Variants in POLA2 observed in about 807,000 individuals in gnomAD.
The protein encoded by POLA2 is DNA polymerase alpha 2, accessory subunit.
In POLA2, 47 loss-of-function variants were observed where a neutral mutation model predicts 82.8. The ratio of observed to expected loss-of-function variants is 0.57; its 90% CI spans 0.45 to 0.72. The LOEUF (loss-of-function observed/expected upper bound fraction) is 0.72, where lower values mean the gene tolerates loss of function less well. Among genes scored for constraint, POLA2 ranks in the 30% least tolerant of loss-of-function variants. POLA2 has a pLI of 0.00. For synonymous variants in POLA2, 287 were observed against 286.8 expected, an observed-to-expected ratio of 1.00 and a Z score of -0.01; for missense variants, 634 against 728.1, an observed-to-expected ratio of 0.87 and a Z score of 1.49.
At chr11:65,293,471 G>A (rs1949776247) in intron 13 of POLA2, among the ~76,000 whole-genome samples, 1 of 152,078 alleles carries the variant, frequency 6.6e-6, no homozygotes, top group African/African-American at 2.4e-5. Flanking sequence ...TTAGGTGGGT[G>A]TGGTGGTGTG....
At chr11:65,265,153 G>A (rs891431773) in intron 1 of POLA2, among the ~76,000 whole-genome samples, 5 of 152,004 alleles carry the variant, frequency 3.3e-5, no homozygotes, top group South Asian at 2.1e-4. Flanking sequence ...CGCTTGAATC[G>A]GGGAGGTGGA....
rs370367077 is a variant in POLA2 at position 65,297,190 on chromosome 11, G to A, written c.1718G>A (p.Arg573Gln). The change falls in exon 18 of 18, where the codon CGA (arginine) becomes CAA (glutamine). Residue 573 changes from arginine (R) to glutamine (Q), a missense_variant. By Grantham distance (43) the Arg-to-Gln change is conservative (BLOSUM62 1). Transcript: ENST00000265465. Reference protein sequence around the residue: ...TKGQVGGTFARLYLRRPAADG... With the variant: ...TKGQVGGTFAQLYLRRPAADG... ...GGGCAGGTGGGAGGCACCTTCGCCC[G>A]ACTCTACCTTAGGAGGCCGGCAGCG... 87 of 1,613,928 alleles carry A rather than the reference G, an allele frequency of 5.4e-5. No homozygotes were observed. The highest frequency in any genetic ancestry group is 6.2e-5 in the Non-Finnish European group (73 of 1,180,018).
At chr11:65,300,918 G>T (rs1949856169), downstream of POLA2, among the ~76,000 whole-genome samples, 1 of 152,192 alleles carries the variant, frequency 6.6e-6, no homozygotes, top group African/African-American at 2.4e-5. Context: ...TGTTTTCAAG[G>T]TTTGTCCCTG....
chr11:65,272,947 G>T (rs1450426934), intron 4 of POLA2, among the ~76,000 whole-genome samples: 2 of 151,708 alleles, frequency 1.3e-5, no homozygotes, highest in Admixed American at 6.6e-5. Flanking sequence ...AGAGGCGGAG[G>T]TTGCAGTGAG....
chr11:65,292,662 A>G (rs1949767184), intron 13 of POLA2, among the ~76,000 whole-genome samples: 1 of 152,240 alleles, frequency 6.6e-6, no homozygotes, highest in African/African-American at 2.4e-5. Flanking sequence ...AAGGGACAAT[A>G]ATGAATATGC....
chr11:65,299,627 C>G (rs990853417), downstream of POLA2, among the ~76,000 whole-genome samples: 1 of 152,242 alleles, frequency 6.6e-6, no homozygotes, highest in Non-Finnish European at 1.5e-5. Flanking sequence ...TCAGGGCACC[C>G]GGCCCAGCTC....
At chr11:65,296,172 T>A in intron 17 of POLA2, 182 bp downstream of exon 17, 2 of 648,856 alleles carry the variant, frequency 3.1e-6, no homozygotes, top group East Asian at 5.3e-5. Context: ...ACTCTGTCAG[T>A]AAAATGCTTG....
chr11:65,291,844 A>G (rs1196668473), intron 13 of POLA2, among the ~76,000 whole-genome samples: 1 of 152,184 alleles, frequency 6.6e-6, no homozygotes, highest in Non-Finnish European at 1.5e-5. Context: ...GAGCTGCCCC[A>G]CCCTTCTAGA....
intron 14 of POLA2, 135 bp downstream of exon 14, chr11:65,294,396 T>C: frequency 1.0e-6 from 1 of 986,522 alleles, no homozygotes; most frequent in Non-Finnish European, 1.6e-6. Context: ...CTCCTTTTTT[T>C]AAACAGGCAA....
In POLA2 at chr11:65,266,758, A is replaced by G. The variant is rs544281459; in HGVS notation, c.204+52A>G. On this transcript the variant is annotated intron_variant, in intron 2 of 17. Transcript: ENST00000265465. ...TAATGTGATTCTCCATTTCTGCTCT[A>G]CAGGGGAGGCATTGTGATATATTGA... 11 of 1,595,044 alleles carry G rather than the reference A, an allele frequency of 6.9e-6. No homozygotes were observed. The South Asian group carries it at 8.8e-5, about 13-fold the overall frequency.
chr11:65,266,579 C>G lies in POLA2; in HGVS notation c.80-3C>G. Reference sequence around the variant, plus strand: ...TTTACTTGTCCAATTTTCCTTTCTACAGTGGTAGAGCTTTGTGTTCAGTAT... The same window carrying G: ...TTTACTTGTCCAATTTTCCTTTCTAGAGTGGTAGAGCTTTGTGTTCAGTAT... On this transcript the variant is annotated splice_region_variant and splice_polypyrimidine_tract_variant and intron_variant, in intron 1 of 17. Coordinates refer to ENST00000265465, the MANE Select transcript of POLA2 (RefSeq NM_002689.4). The G allele has an allele frequency of 6.2e-7, 1 of 1,613,848 alleles. No homozygotes were observed. Among genetic ancestry groups the G allele is most frequent in the Non-Finnish European group, 8.5e-7 (1 of 1,179,856 alleles).
At chr11:65,292,915 C>T (rs556088928) in intron 13 of POLA2, among the ~76,000 whole-genome samples, 287 of 152,290 alleles carry the variant, frequency 1.9e-3, no homozygotes, top group Non-Finnish European at 3.5e-3. Context: ...GATTTATAAA[C>T]GGCCCCTCTG....
intron 10 of POLA2, among the ~76,000 whole-genome samples, chr11:65,285,255 A>C (rs978909165): frequency 8.5e-5 from 13 of 152,108 alleles, no homozygotes; most frequent in Non-Finnish European, 1.9e-4. Context: ...AAATACAAAA[A>C]TTAGCTTGGC....
At position 65,287,777 on chromosome 11, in the gene POLA2, G is replaced by A. The variant is rs747786814; in HGVS notation, c.1068G>A (p.Thr356=). The A allele has an allele frequency of 6.8e-6, 11 of 1,613,812 alleles. No individual in the cohort carries two copies. Among genetic ancestry groups the A allele is most frequent in the East Asian group, 4.5e-5 (2 of 44,866 alleles). ...CATACACCACATCTGACAGCATCAC[G>A]TATGACCCCCTGCTTGACCTGATTG... The part of the protein sequence containing the change: ...CGPYTTSDSI[T]YDPLLDLIAV... Residue 356 remains threonine, a synonymous_variant, in exon 11 of 18, where the codon ACG becomes ACA. Transcript: ENST00000265465.
intron 13 of POLA2, among the ~76,000 whole-genome samples, chr11:65,293,367 T>A (rs1266154077): frequency 6.6e-6 from 1 of 152,116 alleles, no homozygotes; most frequent in Admixed American, 6.5e-5. Flanking sequence ...CCCAACACTT[T>A]GGGAGGCCAA....
chr11:65,295,846 TTCTC>T lies in POLA2; in HGVS notation c.1521-14_1521-11del, dbSNP rs1949804885. On this transcript the variant is annotated splice_polypyrimidine_tract_variant and intron_variant, in intron 16 of 17. Transcript: ENST00000265465. ...CCCCCGGTCAGCTAGTGCTGACAATTTCTCTCTGTCTCTGTAGCTACTACCCACT... is the reference window on the plus strand; with the variant it reads ...CCCCCGGTCAGCTAGTGCTGACAATTTCTGTCTCTGTAGCTACTACCCACT... 5 of 1,601,358 alleles carry T rather than the reference TTCTC, an allele frequency of 3.1e-6. No individual in the cohort carries two copies. The highest frequency in any genetic ancestry group is 2.2e-5 in the East Asian group (1 of 44,520).
rs1356212729 is a variant in POLA2, at chr11:65,294,345, G to A, written c.1353+84G>A. 8 of 1,176,524 alleles carry A rather than the reference G, an allele frequency of 6.8e-6. No homozygotes were observed. In the African/African-American group the frequency reaches 1.1e-4, roughly 16 times the overall value. The allele number at this position is 1,176,524 out of a possible 1,614,324, so 72.9% of individuals were successfully genotyped here. On this transcript the variant is annotated intron_variant, in intron 14 of 17. Coordinates refer to ENST00000265465, the MANE Select transcript of POLA2 (RefSeq NM_002689.4). The stretch of plus-strand genomic sequence containing the variant: ...AGCTCTGGCCCTGAAGGGGAGGGTG[G>A]AGAGGCCTCTTTAGGGTGTGCGTAC...
chr11:65,262,023 A>G lies in POLA2; in HGVS notation c.-270A>G. 1 of 529,812 alleles carries G rather than the reference A, an allele frequency of 1.9e-6. No homozygotes were observed. The highest frequency in any genetic ancestry group is 3.5e-5 in the Admixed American group (1 of 28,460). The allele number at this position is 529,812 out of a possible 1,614,324, so 32.8% of individuals were successfully genotyped here. A position where few individuals can be genotyped will look rare whatever the true frequency, so the allele number is the denominator to read the frequency against. On this transcript the variant is annotated 5_prime_UTR_variant, in exon 1 of 18. Transcript: ENST00000265465. The stretch of plus-strand genomic sequence containing the variant: ...TTTTGGGAAGCAGGACGTTCTCACC[A>G]GGAGAGCGTCCTCTCGAGATTTCTG...
At chr11:65,263,798 G>C (rs1185073126) in intron 1 of POLA2, among the ~76,000 whole-genome samples, 3 of 151,432 alleles carry the variant, frequency 2.0e-5, no homozygotes, top group African/African-American at 7.3e-5. Flanking sequence ...TTGCACTCTA[G>C]CCTGGGCAAC....
Sources: allele counts gnomAD v4.1 joint callset (sites outside exome capture counted in the v4.1 genomes callset), GRCh38; gene constraint gnomAD v4.1.1; transcripts MANE v1.5; gene names NCBI Gene and HGNC (gene_info 2026-07-23, HGNC 2026-07-21).